PSD3: variants seen among roughly 807,000 people sequenced by gnomAD.
PSD3 encodes the protein PH and SEC7 domain-containing protein 3.
A neutral mutation model predicts 105.5 loss-of-function variants in PSD3; 49 were observed. The ratio of observed to expected loss-of-function variants is 0.46; its 90% CI spans 0.37 to 0.59. The LOEUF is 0.59. Ranked by LOEUF, PSD3 falls within the 20% of genes least tolerant of loss-of-function variation. PSD3 has a pLI of 0.00. For missense variants in PSD3, 1,561 were observed against 1,263.8 expected (o/e 1.24, Z -3.57); for synonymous variants, 557 against 457.8 (o/e 1.22, Z -2.77).
intron 15 of PSD3, among the ~76,000 whole-genome samples, chr8:18,555,247 G>A (rs1800997531): frequency 6.6e-6 from 1 of 152,112 alleles, no homozygotes; most frequent in South Asian, 2.1e-4. Flanking sequence ...GAAGGGACAG[G>A]TGTGAGACGC....
intron 2 of PSD3, among the ~76,000 whole-genome samples, chr8:18,933,587 C>A (rs747946357): frequency 1.3e-5 from 2 of 152,134 alleles, no homozygotes; most frequent in Non-Finnish European, 2.9e-5. Context: ...CGTGCCTCAG[C>A]CTCCCGAGTA....
At position 19,057,453 on chromosome 8, in the gene PSD3, C is replaced by T. The variant is rs78255662; in HGVS notation, c.324+26753G>A. On this transcript the variant is annotated intron_variant, in intron 1 of 1. Coordinates refer to the PSD3 transcript ENST00000521475. The stretch of plus-strand genomic sequence containing the variant: ...AAACCTCTGCCCACCACTCTGGTCA[C>T]GCCTTCTGTGTTCTTTGCAAGATCC... Among the ~76,000 whole-genome samples, 944 of 152,300 alleles carry T rather than the reference C, an allele frequency of 6.2e-3. 12 individuals carry two copies. The highest frequency in any genetic ancestry group is 0.021 in the African/African-American group (891 of 41,558).
At chr8:18,632,875 T>G in intron 10 of PSD3, 69 bp from the exon 11 acceptor site, 1 of 1,278,248 alleles carries the variant, frequency 7.8e-7, no homozygotes, top group Non-Finnish European at 1.1e-6. Flanking sequence ...AGGTAAGTTA[T>G]TGTAAAAAAC....
intron 3 of PSD3, among the ~76,000 whole-genome samples, chr8:18,871,068 C>CG (rs1163763878): frequency 1.3e-5 from 2 of 152,124 alleles, no homozygotes; most frequent in Non-Finnish European, 2.9e-5. Flanking sequence ...CACCATACTC[C>CG]GGCCCGGGGG....
intron 9 of PSD3, among the ~76,000 whole-genome samples, chr8:18,753,171 A>G (rs1344036184): frequency 6.6e-6 from 1 of 152,028 alleles, no homozygotes; most frequent in Non-Finnish European, 1.5e-5. Flanking sequence ...CCTGGCCAAT[A>G]TGGTGAAATC....
At chr8:18,688,348 C>T (rs1317754457) in intron 9 of PSD3, among the ~76,000 whole-genome samples, 16 of 152,176 alleles carry the variant, frequency 1.1e-4, no homozygotes, top group African/African-American at 3.6e-4. Context: ...ACTCCTGCCT[C>T]GGCCTCTCAA....
At chr8:18,837,380 C>T (rs1268481791) in intron 4 of PSD3, among the ~76,000 whole-genome samples, 1 of 152,100 alleles carries the variant, frequency 6.6e-6, no homozygotes, top group Non-Finnish European at 1.5e-5. Context: ...TCAAATGCTT[C>T]CAAGTAAACG....
chr8:18,957,993 C>T (rs919719071), intron 1 of PSD3, among the ~76,000 whole-genome samples: 6 of 152,120 alleles, frequency 3.9e-5, no homozygotes, highest in Non-Finnish European at 7.4e-5. Flanking sequence ...CAATTTGAAA[C>T]ACATATGCCC....
chr8:18,544,564 G>C (rs1800346661), intron 15 of PSD3, among the ~76,000 whole-genome samples: 1 of 151,994 alleles, frequency 6.6e-6, no homozygotes, highest in South Asian at 2.1e-4. Context: ...GAAATCCAAA[G>C]AAAGTGTGAA....
chr8:18,551,338 A>G (rs977878250), intron 15 of PSD3, among the ~76,000 whole-genome samples: 1 of 152,230 alleles, frequency 6.6e-6, no homozygotes, highest in Non-Finnish European at 1.5e-5. Context: ...AAGGTTTACT[A>G]TCTGAAATTT....
At chr8:18,558,932 A>C (rs1218424075) in intron 14 of PSD3, among the ~76,000 whole-genome samples, 2 of 152,288 alleles carry the variant, frequency 1.3e-5, no homozygotes, top group Non-Finnish European at 2.9e-5. Flanking sequence ...ACATGTTTTT[A>C]AGATTTATCT....
intron 4 of PSD3, among the ~76,000 whole-genome samples, chr8:18,819,720 A>AGCTAGGTGGTG (rs1812529493): frequency 6.6e-6 from 1 of 151,798 alleles, no homozygotes; most frequent in African/African-American, 2.4e-5. Context: ...CTAGGACTGC[A>AGCTAGGTGGTG]GGCGCCCACC....
intron 10 of PSD3, among the ~76,000 whole-genome samples, chr8:18,645,255 T>G (rs1563415693): frequency 6.6e-6 from 1 of 152,220 alleles, no homozygotes; most frequent in African/African-American, 2.4e-5. Flanking sequence ...TTCTAACCAC[T>G]GAAAATCTTT....
At chr8:18,913,274 A>C (rs1000962998) in intron 2 of PSD3, among the ~76,000 whole-genome samples, 2 of 151,964 alleles carry the variant, frequency 1.3e-5, no homozygotes, top group Admixed American at 1.3e-4. Flanking sequence ...TTTTCTGTTA[A>C]AGTTTCCCTT....
intron 11 of PSD3, among the ~76,000 whole-genome samples, chr8:18,613,362 C>T (rs1349104248): frequency 6.6e-6 from 1 of 152,118 alleles, no homozygotes; most frequent in African/African-American, 2.4e-5. Context: ...AGCCTGGTCT[C>T]TCTCGTTTCT....
chr8:18,773,046 T>A (rs1207239020), intron 8 of PSD3, among the ~76,000 whole-genome samples: 1 of 152,192 alleles, frequency 6.6e-6, no homozygotes, highest in East Asian at 1.9e-4. Context: ...CCCATTTTTG[T>A]TTTTGTTGCC....
intron 14 of PSD3, 29 bp from the exon 15 acceptor site, chr8:18,556,381 T>C (rs1476892120): frequency 1.9e-6 from 3 of 1,573,860 alleles, no homozygotes; most frequent in South Asian, 2.3e-5. Flanking sequence ...CCATTTAGCG[T>C]TCAAAAAAAA....
chr8:18,765,328 A>T, intron 9 of PSD3, 121 bp downstream of exon 9: 1 of 807,804 alleles, frequency 1.2e-6, no homozygotes, highest in Non-Finnish European at 2.1e-6. Context: ...AAGAAACATC[A>T]CCAATAAAAC....
At chr8:18,951,486 C>T (rs781678393) in intron 1 of PSD3, among the ~76,000 whole-genome samples, 52 of 152,172 alleles carry the variant, frequency 3.4e-4, no homozygotes, top group Non-Finnish European at 6.2e-4. Flanking sequence ...TCTAGGGCCA[C>T]AGCCACCATT....
Sources: allele counts gnomAD v4.1 joint callset (sites outside exome capture counted in the v4.1 genomes callset), GRCh38; gene constraint gnomAD v4.1.1; transcripts MANE v1.5; gene names NCBI Gene and HGNC (gene_info 2026-07-23, HGNC 2026-07-21).